TMEM132D: variants seen among roughly 807,000 people sequenced by gnomAD.
TMEM132D encodes mature OL transmembrane protein.
In TMEM132D, 21 loss-of-function variants were observed where a neutral mutation model predicts 62.3. The ratio of observed to expected loss-of-function variants is 0.34; its 90% CI spans 0.24 to 0.49. TMEM132D has a LOEUF of 0.49. Among genes scored for constraint, TMEM132D ranks in the 20% least tolerant of loss-of-function variants. The pLI, the probability that TMEM132D is intolerant of heterozygous loss-of-function variation, is 0.99. For missense variants in TMEM132D, 1,346 were observed against 1,402.8 expected (o/e 0.96, Z 0.65); for synonymous variants, 621 against 575.6 (o/e 1.08, Z -1.13).
intron 4 of TMEM132D, among the ~76,000 whole-genome samples, chr12:129,242,549 T>G (rs995533321): frequency 2.6e-5 from 4 of 152,196 alleles, no homozygotes; most frequent in African/African-American, 9.6e-5. Flanking sequence ...ACTGGTCTTT[T>G]AAATGTAGAA....
intron 5 of TMEM132D, among the ~76,000 whole-genome samples, chr12:129,128,028 T>C (rs953546027): frequency 5.3e-5 from 8 of 152,108 alleles, no homozygotes; most frequent in African/African-American, 1.7e-4. Context: ...TCCCGGGATG[T>C]GAGGCTTTCA....
intron 3 of TMEM132D, among the ~76,000 whole-genome samples, chr12:129,386,808 G>T (rs112599290): frequency 0.017 from 2,309 of 133,610 alleles, 62 homozygotes; most frequent in African/African-American, 0.061. Context: ...ATACTAACAC[G>T]AACACCAATG....
At position 129,313,963 on chromosome 12, in the gene TMEM132D, G is replaced by A. The variant is rs138024720; in HGVS notation, c.1299+23671C>T. ...GATTTGCATTTCCCTGATCATTAGT[G>A]ATGTTGGCATTTTTTCATATGTTTG... On this transcript the variant is annotated intron_variant, in intron 4 of 8. Transcript: ENST00000422113. Among the ~76,000 whole-genome samples the A allele has an allele frequency of 2.6e-3, 395 of 152,262 alleles. 1 individual carries two copies. Among genetic ancestry groups the A allele is most frequent in the African/African-American group, 8.9e-3 (368 of 41,554 alleles).
chr12:129,340,772 A>G (rs1228174341), intron 3 of TMEM132D, among the ~76,000 whole-genome samples: 5 of 152,236 alleles, frequency 3.3e-5, no homozygotes, highest in Admixed American at 3.3e-4. Flanking sequence ...ACATGCTGCT[A>G]TAAAGACACA....
Position 129,820,096 on chromosome 12 carries a change from T to A in TMEM132D, c.79+83165A>T, listed in dbSNP as rs183855995. Among the ~76,000 whole-genome samples the A allele has an allele frequency of 3.9e-3, 599 of 152,240 alleles. 2 individuals carry two copies. Among genetic ancestry groups the A allele is most frequent in the African/African-American group, 0.014 (582 of 41,554 alleles). Reference sequence around the variant, plus strand: ...TTTTTTGTCTGAAGCTAAAGCAAGCTCCTTACCTTCCGCATGGAAGTTCTC... The same window carrying A: ...TTTTTTGTCTGAAGCTAAAGCAAGCACCTTACCTTCCGCATGGAAGTTCTC... On this transcript the variant is annotated intron_variant, in intron 1 of 8. Transcript: ENST00000422113.
intron 1 of TMEM132D, among the ~76,000 whole-genome samples, chr12:129,710,908 G>T (rs1011035421): frequency 6.6e-6 from 1 of 150,862 alleles, no homozygotes; most frequent in Admixed American, 6.6e-5. Context: ...GCCTCAGTGC[G>T]CACGCTGCCT....
At chr12:129,403,680 A>G (rs981007890) in intron 3 of TMEM132D, among the ~76,000 whole-genome samples, 2 of 152,140 alleles carry the variant, frequency 1.3e-5, no homozygotes, top group African/African-American at 4.8e-5. Flanking sequence ...GAGAGCAACA[A>G]GGCCCCTGCT....
At chr12:129,201,471 C>T (rs1183769772) in intron 5 of TMEM132D, among the ~76,000 whole-genome samples, 8 of 152,198 alleles carry the variant, frequency 5.3e-5, no homozygotes, top group Non-Finnish European at 1.0e-4. Flanking sequence ...GGGGACCCTA[C>T]TCCCCAAACT....
At chr12:129,332,199 A>G (rs1869127767) in intron 4 of TMEM132D, among the ~76,000 whole-genome samples, 1 of 152,142 alleles carries the variant, frequency 6.6e-6, no homozygotes, top group Admixed American at 6.6e-5. Flanking sequence ...CTCCCTAAAA[A>G]CAAAACCATA....
intron 3 of TMEM132D, among the ~76,000 whole-genome samples, chr12:129,351,258 C>T (rs986784516): frequency 6.6e-6 from 1 of 152,184 alleles, no homozygotes. Flanking sequence ...TCTCTCCCAT[C>T]TAACTGGGAA....
At chr12:129,887,951 T>C (rs1874797035) in intron 1 of TMEM132D, among the ~76,000 whole-genome samples, 1 of 151,902 alleles carries the variant, frequency 6.6e-6, no homozygotes, top group South Asian at 2.1e-4. Context: ...AAGCTGGGAT[T>C]TTTTTTTAAC....
At chr12:129,467,280 A>G (rs1408691671) in intron 3 of TMEM132D, among the ~76,000 whole-genome samples, 1 of 152,134 alleles carries the variant, frequency 6.6e-6, no homozygotes, top group African/African-American at 2.4e-5. Flanking sequence ...AAACTTTATC[A>G]TCAGGACATA....
intron 8 of TMEM132D, among the ~76,000 whole-genome samples, chr12:129,075,757 A>G (rs1343265047): frequency 1.3e-5 from 2 of 152,264 alleles, no homozygotes; most frequent in South Asian, 2.1e-4. Flanking sequence ...TGGAAGACCA[A>G]AAAGCAGCCA....
In TMEM132D at chr12:129,466,073, G is replaced by A. The variant is rs115583134; in HGVS notation, c.1115+64986C>T. On this transcript the variant is annotated intron_variant, in intron 3 of 8. Transcript: ENST00000422113. ...GTTTGAGACAATGCAAGTAAATTGC[G>A]TGGCACATTCCTTAGCACATAACAA... Among the ~76,000 whole-genome samples, 265 of 152,224 alleles carry A rather than the reference G, an allele frequency of 1.7e-3. 1 individual carries two copies. The highest frequency in any genetic ancestry group is 6.2e-3 in the African/African-American group (256 of 41,516).
In TMEM132D at chr12:129,078,522, C is replaced by T. The variant is rs1222490367; in HGVS notation, c.2115+12G>A. On this transcript the variant is annotated intron_variant, in intron 8 of 8. Coordinates refer to ENST00000422113, the MANE Select transcript of TMEM132D (RefSeq NM_133448.3). ...GACCCTGCTGAAGTGTGTCTCAAGCCCTCCTCCATACCTGTTTTGGCCTCT... is the reference window on the plus strand; with the variant it reads ...GACCCTGCTGAAGTGTGTCTCAAGCTCTCCTCCATACCTGTTTTGGCCTCT... The T allele has an allele frequency of 6.2e-7, 1 of 1,609,958 alleles. No homozygotes were observed.
At position 129,074,084 on chromosome 12, in the gene TMEM132D, T is replaced by C. The variant is rs1874165025; in HGVS notation, c.3091A>G (p.Lys1031Glu). 5.0e-6 allele frequency: 8 copies of C among 1,614,142 alleles called. No individual in the cohort carries two copies. The highest frequency in any genetic ancestry group is 2.2e-5 in the East Asian group (1 of 44,876). Reference sequence around the variant, plus strand: ...GTAGGGGATGTTGGGGGCTCACTTTTCTGATCTTTCCCATCAATGATGATG... The same window carrying C: ...GTAGGGGATGTTGGGGGCTCACTTTCCTGATCTTTCCCATCAATGATGATG... ...GPIIIDGKDQ[K>E]SEPPTSPTSK... Residue 1031 changes from lysine to glutamate, a missense_variant, in exon 9 of 9, where the codon AAA (lysine) becomes GAA (glutamate). By Grantham distance (56) the Lys-to-Glu change is moderately conservative. Transcript: ENST00000422113.
intron 4 of TMEM132D, among the ~76,000 whole-genome samples, chr12:129,266,244 C>G (rs1880690983): frequency 6.6e-6 from 1 of 152,130 alleles, no homozygotes; most frequent in Non-Finnish European, 1.5e-5. Flanking sequence ...TGTCCTACGG[C>G]CACACTGGGG....
At chr12:129,435,597 A>G (rs186141840) in intron 3 of TMEM132D, among the ~76,000 whole-genome samples, 183 of 152,072 alleles carry the variant, frequency 1.2e-3, no homozygotes, top group African/African-American at 4.3e-3. Flanking sequence ...TCTGCTTGCC[A>G]CCTCCAGCAA....
intron 3 of TMEM132D, among the ~76,000 whole-genome samples, chr12:129,494,100 C>T (rs1220004852): frequency 3.9e-5 from 6 of 152,206 alleles, no homozygotes; most frequent in Non-Finnish European, 8.8e-5. Flanking sequence ...AACAAGCCTG[C>T]CTCACATTCC....
Sources: allele counts gnomAD v4.1 joint callset (sites outside exome capture counted in the v4.1 genomes callset), GRCh38; gene constraint gnomAD v4.1.1; transcripts MANE v1.5; gene names NCBI Gene and HGNC (gene_info 2026-07-23, HGNC 2026-07-21).